Variants in RALGPS2 observed in about 807,000 individuals in gnomAD.
RALGPS2 encodes the protein Ral GEF with PH domain and SH3 binding motif 2.
In RALGPS2, 43 loss-of-function variants were observed where a neutral mutation model predicts 86.8. That is an observed-to-expected ratio of 0.50 (90% CI 0.39 to 0.64). The LOEUF is 0.64. Ranked by LOEUF, RALGPS2 falls within the 30% of genes least tolerant of loss-of-function variation. RALGPS2 has a pLI of 0.00. For synonymous variants in RALGPS2, 243 were observed against 231.3 expected, an observed-to-expected ratio of 1.05 and a Z score of -0.46; for missense variants, 536 against 694.6, an observed-to-expected ratio of 0.77 and a Z score of 2.57.
Position 178,916,593 on chromosome 1 carries a change from C to G in RALGPS2, c.*234C>G. ...ATGAACCATGCTTCTTATCTCAGAA[C>G]TGACCTGTGGAAACCACTGCCTTAA... On this transcript the variant is annotated 3_prime_UTR_variant, in exon 20 of 20. Transcript: ENST00000367635. 1 of 474,248 alleles carries G rather than the reference C, an allele frequency of 2.1e-6. No individual in the cohort carries two copies. The highest frequency in any genetic ancestry group is 3.7e-6 in the Non-Finnish European group (1 of 272,596). 29.4% of individuals were successfully genotyped at this position (474,248 alleles called of 1,614,324 possible). A position where few individuals can be genotyped will look rare whatever the true frequency, so the allele number is the denominator to read the frequency against.
chr1:178,748,059 T>C (rs1651438442), intron 1 of RALGPS2, among the ~76,000 whole-genome samples: 1 of 152,180 alleles, frequency 6.6e-6, no homozygotes, highest in Non-Finnish European at 1.5e-5. Context: ...ACGTCTCACT[T>C]CTGTAATCCC....
rs140442248 is a variant in RALGPS2 at position 178,784,438 on chromosome 1, C to G, written c.78C>G (p.Ser26=). ...AACAGAAAAGTAGCAGCTCTGAATCCTTAAGTGACAAAGGCTCTGAATTGA... is the reference window on the plus strand; with the variant it reads ...AACAGAAAAGTAGCAGCTCTGAATCGTTAAGTGACAAAGGCTCTGAATTGA... ...TASEKSSSSE[S]LSDKGSELKK... Residue 26 remains serine (S), a synonymous_variant, in exon 3 of 20, where the codon TCC becomes TCG. Transcript: ENST00000367635. 2.5e-6 allele frequency: 4 copies of G among 1,603,666 alleles called. No individual in the cohort carries two copies. In the African/African-American group the frequency reaches 5.3e-5, roughly 21 times the overall value.
chr1:178,876,218 G>A (rs947397495), intron 8 of RALGPS2, among the ~76,000 whole-genome samples: 1 of 151,932 alleles, frequency 6.6e-6, no homozygotes, highest in African/African-American at 2.4e-5. Flanking sequence ...AGATATAAAT[G>A]TAAAAAAAAT....
chr1:178,731,416 G>A (rs1396963127), intron 1 of RALGPS2, among the ~76,000 whole-genome samples: 1 of 150,802 alleles, frequency 6.6e-6, no homozygotes, highest in African/African-American at 2.4e-5. Context: ...CTAAGTAGCT[G>A]GGATTACAAG....
chr1:178,762,084 C>T (rs893206928), intron 1 of RALGPS2, among the ~76,000 whole-genome samples: 1 of 152,102 alleles, frequency 6.6e-6, no homozygotes, highest in Non-Finnish European at 1.5e-5. Flanking sequence ...TGTTTAACTC[C>T]TATTTATTAG....
rs1295089642 is a variant in RALGPS2 at position 178,833,497 on chromosome 1, G to A, written c.554G>A (p.Arg185Lys). Residue 185 changes from arginine to lysine, a missense_variant, in exon 8 of 20, where the codon AGA (arginine) becomes AAA (lysine). Arg to Lys is a conservative substitution (Grantham distance 26). Coordinates refer to ENST00000367635, the MANE Select transcript of RALGPS2 (RefSeq NM_152663.5). The stretch of plus-strand genomic sequence containing the variant: ...ATGAGTAAAGAAGATAACTACAAAA[G>A]ACTCAGAGACTATATAAGTAGCTTA... ...YVMSKEDNYK[R>K]LRDYISSLKM... 1.3e-6 allele frequency: 2 copies of A among 1,532,190 alleles called. No homozygotes were observed. Among genetic ancestry groups the A allele is most frequent in the Non-Finnish European group, 1.7e-6 (2 of 1,151,534 alleles). 94.9% of individuals were successfully genotyped at this position (1,532,190 alleles called of 1,614,324 possible). A position where few individuals can be genotyped will look rare whatever the true frequency, so the allele number is the denominator to read the frequency against.
chr1:178,878,991 A>G lies in RALGPS2; in HGVS notation c.835A>G (p.Lys279Glu). ...AAAATTTGTGGAAGACGATAATTAC[A>G]AGTAGGTTGGATCTTCAAAAGTGGT... ...LQKFVEDDNY[K>E]LSLKIEPGTS... The change falls in exon 10 of 20, where the codon AAG becomes GAG. Residue 279 changes from lysine to glutamate, a missense_variant and splice_region_variant. Around this residue, in one of 3 missense-constraint regions of RALGPS2, gnomAD observed 184 missense variants for 296.7 expected, o/e 0.62. Transcript: ENST00000367635. 6.2e-7 allele frequency: 1 copy of G among 1,612,446 alleles called. No individual in the cohort carries two copies. The highest frequency in any genetic ancestry group is 8.5e-7 in the Non-Finnish European group (1 of 1,179,394).
chr1:178,845,811 C>T (rs1656839251), intron 8 of RALGPS2, among the ~76,000 whole-genome samples: 1 of 152,108 alleles, frequency 6.6e-6, no homozygotes, highest in African/African-American at 2.4e-5. Context: ...CTTTATAGAA[C>T]TTAATATCTC....
At chr1:178,804,424 C>G in intron 4 of RALGPS2, among the ~76,000 whole-genome samples, 1 of 108,102 alleles carries the variant, frequency 9.3e-6, no homozygotes, top group Non-Finnish European at 1.8e-5. Context: ...CTATCCCTCC[C>G]CCCTCCCCCC....
chr1:178,865,435 A>C (rs1165889391), intron 8 of RALGPS2: 1 of 1,613,988 alleles, frequency 6.2e-7, no homozygotes, highest in Admixed American at 1.7e-5. Flanking sequence ...GCTTTACCTC[A>C]TTCACAATGT....
chr1:178,825,182 C>T (rs561482567), intron 7 of RALGPS2, among the ~76,000 whole-genome samples: 289 of 152,200 alleles, frequency 1.9e-3, no homozygotes, highest in Non-Finnish European at 2.1e-3. Flanking sequence ...TTCAGATATT[C>T]AGCATAAGCT....
chr1:178,834,478 A>G (rs1184394820), intron 8 of RALGPS2, among the ~76,000 whole-genome samples: 4 of 152,252 alleles, frequency 2.6e-5, no homozygotes. Context: ...TTTAGCTACT[A>G]TAGAACATCA....
chr1:178,839,962 A>G (rs1020488055), intron 8 of RALGPS2, among the ~76,000 whole-genome samples: 14 of 152,252 alleles, frequency 9.2e-5, no homozygotes, highest in Non-Finnish European at 1.5e-4. Context: ...TATCCTAAAT[A>G]TATATGCACC....
Position 178,851,296 on chromosome 1 carries a change from T to C in RALGPS2, c.607+17746T>C, listed in dbSNP as rs1008951418. The C allele has an allele frequency of 3.7e-5, 60 of 1,611,158 alleles. No homozygotes were observed. Among genetic ancestry groups the C allele is most frequent in the Non-Finnish European group, 4.9e-5 (58 of 1,179,082 alleles). ...CAGGCATTGTACCACCAGCCTCCTT[T>C]ATGAAAGTGGGCGCAGTTTCCTTTG... On this transcript the variant is annotated intron_variant, in intron 8 of 19. Transcript: ENST00000367635.
chr1:178,889,740 C>T (rs886141525), intron 14 of RALGPS2, 44 bp downstream of exon 14: 1 of 1,402,404 alleles, frequency 7.1e-7, no homozygotes. Context: ...TTTATTTTGT[C>T]TGGGTTAAAT....
At position 178,864,068 on chromosome 1, in the gene RALGPS2, T is replaced by G. The variant is rs184546468; in HGVS notation, c.608-13430T>G. ...TCAGCTTGTAAAGGATTCTGGGGAA[T>G]GAGTTGTGAGAAAATGGATGCAAGT... On this transcript the variant is annotated intron_variant, in intron 8 of 19. Coordinates refer to ENST00000367635, the MANE Select transcript of RALGPS2 (RefSeq NM_152663.5). 2.6e-5 allele frequency among the ~76,000 whole-genome samples: 4 copies of G among 152,258 alleles called. No homozygotes were observed. In the East Asian group the frequency reaches 7.7e-4, roughly 29 times the overall value.
At chr1:178,881,325 A>G (rs756381126) in intron 10 of RALGPS2, among the ~76,000 whole-genome samples, 2 of 152,150 alleles carry the variant, frequency 1.3e-5, no homozygotes, top group Non-Finnish European at 2.9e-5. Context: ...GTCTCACGTG[A>G]AGGGTAAGGA....
chr1:178,777,236 T>C (rs913917415), intron 2 of RALGPS2, among the ~76,000 whole-genome samples: 5 of 151,866 alleles, frequency 3.3e-5, no homozygotes, highest in Admixed American at 6.6e-5. Flanking sequence ...CAAGCATTCT[T>C]ATACACCAAT....
At chr1:178,826,569 G>A (rs1170875202) in intron 7 of RALGPS2, among the ~76,000 whole-genome samples, 1 of 152,120 alleles carries the variant, frequency 6.6e-6, no homozygotes, top group Non-Finnish European at 1.5e-5. Context: ...TGGGATTTGG[G>A]AGTTATTATT....
Sources: gnomAD v4.1 joint callset for allele counts (sites outside exome capture counted in the v4.1 genomes callset) on GRCh38, gnomAD v4.1.1 for gene constraint, gnomAD v4.1.1 regional missense constraint, MANE v1.5 for transcripts, NCBI Gene and HGNC (gene_info 2026-07-23, HGNC 2026-07-21) for gene names.